CYTH3: variants seen among roughly 807,000 people sequenced by gnomAD.
CYTH3 encodes the protein cytohesin 3.
A neutral mutation model predicts 55.1 loss-of-function variants in CYTH3; 23 were observed. The observed-to-expected ratio is 0.42, with a 90% CI of 0.30 to 0.59. The LOEUF (loss-of-function observed/expected upper bound fraction) is 0.59. CYTH3 is among the 20% of genes least tolerant of loss of function. The pLI, the probability that CYTH3 is intolerant of heterozygous loss-of-function variation, is 0.20. For synonymous variants in CYTH3, 249 were observed against 194.9 expected (o/e 1.28, Z -2.31); for missense variants, 413 against 524.8 (o/e 0.79, Z 2.08).
rs756522614 is a variant in CYTH3 at position 6,170,965 on chromosome 7, C to G, written c.576G>C (p.Val192=). Residue 192 remains valine (V), a synonymous_variant, in exon 8 of 13, where the codon GTG becomes GTC. Coordinates refer to ENST00000350796, the MANE Select transcript of CYTH3 (RefSeq NM_004227.4). The surrounding 1 kb of genome is among the most constrained non-coding windows in gnomAD (Gnocchi z 7.8). ...GVFQSTDTCY[V]LSFAIIMLNT... ...TGAGCATGATGATGGCGAATGACAG[C>G]ACGTAGCACGTGTCTGCAACGAGTC... 1 of 1,613,894 alleles carries G rather than the reference C, an allele frequency of 6.2e-7. No homozygotes were observed.
chr7:6,173,614 TC>T, intron 6 of CYTH3, 38 bp downstream of exon 6: 1 of 1,375,988 alleles, frequency 7.3e-7, no homozygotes, highest in Non-Finnish European at 1.0e-6. Context: ...CCTCTGGCCT[TC>T]CCCATCCACT....
chr7:6,181,944 T>A (rs1418853888), intron 4 of CYTH3, among the ~76,000 whole-genome samples: 2 of 152,232 alleles, frequency 1.3e-5, no homozygotes, highest in Non-Finnish European at 2.9e-5. Flanking sequence ...ATATCATGGA[T>A]AAGAAACATC....
Position 6,192,936 on chromosome 7 carries a change from A to G in CYTH3, c.35-2405T>C, listed in dbSNP as rs1436154290. ...CTGTAAGCCCAGCACTTTGGGAGGC[A>G]GAGACAGGTGGATCACCTGAGGTCA... On this transcript the variant is annotated intron_variant, in intron 1 of 12. Transcript: ENST00000350796. 5.3e-5 allele frequency among the ~76,000 whole-genome samples: 8 copies of G among 151,782 alleles called. No homozygotes were observed. In the East Asian group the frequency reaches 1.6e-3, roughly 30 times the overall value.
intron 1 of CYTH3, among the ~76,000 whole-genome samples, chr7:6,259,768 TATATTATATATATATA>T (rs1204863782): frequency 7.0e-4 from 17 of 24,340 alleles, no homozygotes; most frequent in Non-Finnish European, 4.6e-4. Flanking sequence ...TATATATATA[TATATTATATATATATA>T]ATATATATAT....
At chr7:6,252,288 T>C (rs914379871) in intron 1 of CYTH3, among the ~76,000 whole-genome samples, 3 of 152,232 alleles carry the variant, frequency 2.0e-5, no homozygotes, top group Non-Finnish European at 4.4e-5. Flanking sequence ...TGCCCTATTT[T>C]ACAAGAGGAG....
intron 1 of CYTH3, among the ~76,000 whole-genome samples, chr7:6,257,631 A>C (rs1447323769): frequency 2.0e-5 from 3 of 152,236 alleles, no homozygotes; most frequent in Non-Finnish European, 2.9e-5. Context: ...TCTTAAAGTA[A>C]TATTTATATG....
intron 4 of CYTH3, among the ~76,000 whole-genome samples, chr7:6,183,922 C>T (rs1015498182): frequency 2.6e-5 from 4 of 151,522 alleles, no homozygotes; most frequent in Middle Eastern, 3.4e-3. Flanking sequence ...AGCAAGAAGG[C>T]GGCTACTAGC....
intron 1 of CYTH3, among the ~76,000 whole-genome samples, chr7:6,241,192 A>T (rs1779664078): frequency 6.6e-6 from 1 of 152,178 alleles, no homozygotes; most frequent in Admixed American, 6.5e-5. Flanking sequence ...AACAAAACCA[A>T]AACCCAAGTA....
At chr7:6,187,458 G>A (rs1434340017) in intron 3 of CYTH3, among the ~76,000 whole-genome samples, 199 bp downstream of exon 3, 2 of 152,188 alleles carry the variant, frequency 1.3e-5, no homozygotes, top group Admixed American at 1.3e-4. Context: ...ATGACTTACA[G>A]AGGAGGCAAT....
intron 2 of CYTH3, among the ~76,000 whole-genome samples, chr7:6,188,356 C>T (rs78537301): frequency 7.3e-6 from 1 of 137,574 alleles, no homozygotes; most frequent in African/African-American, 2.7e-5. Flanking sequence ...AACAAAAAAA[C>T]AAAAAAAAAA....
At chr7:6,254,614 A>G (rs1275588200) in intron 1 of CYTH3, among the ~76,000 whole-genome samples, 4 of 152,124 alleles carry the variant, frequency 2.6e-5, no homozygotes, top group Non-Finnish European at 5.9e-5. Flanking sequence ...ATGCTCGGCT[A>G]ATTTTTTGTA....
chr7:6,179,895 C>CA (rs1562881767), intron 4 of CYTH3, among the ~76,000 whole-genome samples: 2 of 119,570 alleles, frequency 1.7e-5, no homozygotes, highest in Non-Finnish European at 3.6e-5. Context: ...ACCACACACA[C>CA]CCACACACAA....
chr7:6,224,438 G>T (rs1029704457), intron 1 of CYTH3, among the ~76,000 whole-genome samples: 1 of 151,926 alleles, frequency 6.6e-6, no homozygotes, highest in Non-Finnish European at 1.5e-5. Flanking sequence ...CTGGACATCC[G>T]CATGCAAAAG....
At chr7:6,235,756 A>C (rs914405323) in intron 1 of CYTH3, among the ~76,000 whole-genome samples, 4 of 152,210 alleles carry the variant, frequency 2.6e-5, no homozygotes, top group African/African-American at 9.6e-5. Flanking sequence ...GAAATCAAGC[A>C]AATTATAAAG....
intron 1 of CYTH3, among the ~76,000 whole-genome samples, chr7:6,265,044 G>A (rs1583208785): frequency 6.6e-6 from 1 of 152,182 alleles, no homozygotes; most frequent in Non-Finnish European, 1.5e-5. Context: ...TATCTAAGAG[G>A]AAACCACTAC....
intron 5 of CYTH3, among the ~76,000 whole-genome samples, chr7:6,174,747 C>G (rs1783300078): frequency 6.6e-6 from 1 of 151,854 alleles, no homozygotes; most frequent in Non-Finnish European, 1.5e-5. Context: ...CGGGGTTTCA[C>G]CGTGTTAGCC....
chr7:6,241,245 A>G (rs2128555438), intron 1 of CYTH3, among the ~76,000 whole-genome samples: 1 of 152,380 alleles, frequency 6.6e-6, no homozygotes, highest in Non-Finnish European at 1.5e-5. Context: ...GGAAGATAAC[A>G]TTTGCAATCC....
intron 1 of CYTH3, among the ~76,000 whole-genome samples, chr7:6,230,687 A>T (rs1432132091): frequency 2.6e-5 from 4 of 152,220 alleles, no homozygotes; most frequent in Admixed American, 6.5e-5. Context: ...CATGAGAAGG[A>T]TCCAATGCAG....
chr7:6,206,574 C>G (rs1784193083), intron 1 of CYTH3, among the ~76,000 whole-genome samples: 1 of 152,210 alleles, frequency 6.6e-6, no homozygotes, highest in South Asian at 2.1e-4. Context: ...TGGAAAATAG[C>G]TTGAGTTCTA....
Sources: gnomAD v4.1 joint callset for allele counts (sites outside exome capture counted in the v4.1 genomes callset) on GRCh38, gnomAD v4.1.1 for gene constraint, Gnocchi (gnomAD v3.1) non-coding constraint, MANE v1.5 for transcripts, NCBI Gene and HGNC (gene_info 2026-07-23, HGNC 2026-07-21) for gene names.